The following MCTP2 variants were observed in gnomAD, a reference collection of about 807,000 sequenced individuals.
MCTP2 encodes multiple C2 and transmembrane domain-containing protein 2.
Under a neutral mutation model 111.6 loss-of-function variants are expected in MCTP2, and 132 were observed. The observed-to-expected ratio is 1.18, with a 90% CI of 1.03 to 1.37. The LOEUF (loss-of-function observed/expected upper bound fraction) is 1.37. Among genes scored for constraint, MCTP2 ranks in the 40% most tolerant of loss-of-function variants. The pLI is 0.00. For missense variants in MCTP2, 1,183 were observed against 1,067.9 expected (o/e 1.11, Z -1.50); for synonymous variants, 395 against 387.7 (o/e 1.02, Z -0.22).
intron 2 of MCTP2, among the ~76,000 whole-genome samples, chr15:94,301,503 G>A (rs1422012577): frequency 6.6e-6 from 1 of 152,232 alleles, no homozygotes; most frequent in South Asian, 2.1e-4. Flanking sequence ...AGGCTGTGTT[G>A]ATTTGGAGGA....
At chr15:94,241,786 T>TA (rs776625311) in intron 1 of MCTP2, among the ~76,000 whole-genome samples, 3,920 of 147,548 alleles carry the variant, frequency 0.027, 138 homozygotes, top group African/African-American at 0.09. Flanking sequence ...ATACCCACTT[T>TA]AAAAAAAAAA....
intron 1 of MCTP2, among the ~76,000 whole-genome samples, chr15:94,258,397 A>G (rs8030718): frequency 0.49 from 74,068 of 151,948 alleles, 18,209 homozygotes; most frequent in Middle Eastern, 0.6. Context: ...CCTCTGCCCC[A>G]TCACCTGGGT....
chr15:94,298,749 T>C lies in MCTP2; in HGVS notation c.465+19T>C. 2.0e-6 allele frequency: 3 copies of C among 1,503,306 alleles called. No individual in the cohort carries two copies. The highest frequency in any genetic ancestry group is 2.7e-6 in the Non-Finnish European group (3 of 1,124,632). The allele number at this position is 1,503,306 out of a possible 1,614,324, so 93.1% of individuals were successfully genotyped here. On this transcript the variant is annotated intron_variant, in intron 2 of 22. Transcript: ENST00000357742. ...GCCAGAGGTGAGAATAGGGCTGGGC[T>C]CTCTTTTTTTTTGTCTCTCTCTCTC...
Position 94,356,317 on chromosome 15 carries a change from T to C in MCTP2, c.1170+16T>C. The C allele has an allele frequency of 6.4e-7, 1 of 1,557,556 alleles. No homozygotes were observed. Reference sequence around the variant, plus strand: ...TAAAAGTAAGGTAAGTTCCATCTTTTCCATAAGGAGAACAGTATCTTTAAA... The same window carrying C: ...TAAAAGTAAGGTAAGTTCCATCTTTCCCATAAGGAGAACAGTATCTTTAAA... On this transcript the variant is annotated intron_variant, in intron 9 of 22. Coordinates refer to ENST00000357742, the MANE Select transcript of MCTP2 (RefSeq NM_001385001.1).
chr15:94,262,759 C>G (rs1475916860), intron 1 of MCTP2, among the ~76,000 whole-genome samples: 1 of 151,980 alleles, frequency 6.6e-6, no homozygotes, highest in Non-Finnish European at 1.5e-5. Flanking sequence ...CAACCTCAGC[C>G]TCCTGGGTTC....
At chr15:94,304,787 A>G (rs1437822140) in intron 2 of MCTP2, among the ~76,000 whole-genome samples, 3 of 152,162 alleles carry the variant, frequency 2.0e-5, no homozygotes, top group African/African-American at 7.2e-5. Flanking sequence ...TTTGTCTACT[A>G]GGGCCACCTT....
At chr15:94,280,941 G>A (rs2074449228) in intron 1 of MCTP2, among the ~76,000 whole-genome samples, 1 of 151,682 alleles carries the variant, frequency 6.6e-6, no homozygotes, top group Non-Finnish European at 1.5e-5. Context: ...TATTGAGAGT[G>A]TGGTTAGTAT....
intron 1 of MCTP2, among the ~76,000 whole-genome samples, chr15:94,258,030 T>C (rs983320881): frequency 7.3e-6 from 1 of 137,392 alleles, no homozygotes; most frequent in East Asian, 2.0e-4. Flanking sequence ...CCTGCCACCA[T>C]GTCATTTTTT....
chr15:94,323,766 C>T (rs1360420649), intron 4 of MCTP2, among the ~76,000 whole-genome samples: 3 of 152,138 alleles, frequency 2.0e-5, no homozygotes, highest in African/African-American at 2.4e-5. Context: ...GAAGAATGGC[C>T]GCCATCTTCC....
In MCTP2 at chr15:94,370,081, C is replaced by T; in HGVS notation, c.1489-6C>T. 1.2e-6 allele frequency: 2 copies of T among 1,604,850 alleles called. No individual in the cohort carries two copies. ...TTTTCACTTGTATCACCTTTTCAACCCTCAGTGCTTACAGAACTCCCTGAA... is the reference window on the plus strand; with the variant it reads ...TTTTCACTTGTATCACCTTTTCAACTCTCAGTGCTTACAGAACTCCCTGAA... On this transcript the variant is annotated splice_polypyrimidine_tract_variant and splice_region_variant and intron_variant, in intron 11 of 22. Coordinates refer to ENST00000357742, the MANE Select transcript of MCTP2 (RefSeq NM_001385001.1).
At chr15:94,341,024 TG>T (rs746155879) in intron 7 of MCTP2, 100 bp downstream of exon 7, 1 of 761,420 alleles carries the variant, frequency 1.3e-6, no homozygotes, top group South Asian at 1.5e-5. Flanking sequence ...CTGATGTTTT[TG>T]CAATTATTTT....
At chr15:94,401,799 G>T in intron 16 of MCTP2, 101 bp from the exon 17 acceptor site, 1 of 795,608 alleles carries the variant, frequency 1.3e-6, no homozygotes, top group Non-Finnish European at 1.9e-6. Flanking sequence ...TTAAAATTGG[G>T]ATCTATACAA....
chr15:94,469,617 C>G (rs2152539362), intron 20 of MCTP2, among the ~76,000 whole-genome samples: 1 of 152,258 alleles, frequency 6.6e-6, no homozygotes, highest in East Asian at 1.9e-4. Flanking sequence ...CCTATAATCC[C>G]AGCACTTTGG....
At position 94,476,778 on chromosome 15, in the gene MCTP2, G is replaced by A. The variant is rs376652720; in HGVS notation, c.2553G>A (p.Pro851=). 7.0e-5 allele frequency: 112 copies of A among 1,596,808 alleles called. No individual in the cohort carries two copies. The South Asian group carries it at 8.2e-4, about 12-fold the overall frequency. The change falls in exon 22 of 23, where the codon CCG becomes CCA. Residue 851 remains proline, a synonymous_variant. Coordinates refer to ENST00000357742, the MANE Select transcript of MCTP2 (RefSeq NM_001385001.1). ...TACTAGACTTCCTCTCTAGGGTACC[G>A]TCTGATGTTCAAAAGGTATGTAATG... is the stretch of plus-strand genomic sequence containing the variant. The part of the protein sequence containing the change: ...NELLDFLSRV[P]SDVQKVQYAE...
chr15:94,370,015 C>T (rs2079401496), intron 11 of MCTP2, 72 bp from the exon 12 acceptor site: 2 of 966,038 alleles, frequency 2.1e-6, no homozygotes, highest in Non-Finnish European at 3.1e-6. Flanking sequence ...GATGCACTTC[C>T]TATAGGACTT....
Position 94,352,853 on chromosome 15 carries a change from G to C in MCTP2, c.1006-3284G>C, listed in dbSNP as rs1231422779. 2.0e-5 allele frequency among the ~76,000 whole-genome samples: 3 copies of C among 152,190 alleles called. No individual in the cohort carries two copies. In the East Asian group the frequency reaches 5.8e-4, roughly 29 times the overall value. On this transcript the variant is annotated intron_variant, in intron 8 of 22. Transcript: ENST00000357742. Reference sequence around the variant, plus strand: ...CAATAGATGGCCCAGGCCCTACCCTGAACCCCAGACTCCCTGGTCTGAGGC... The same window carrying C: ...CAATAGATGGCCCAGGCCCTACCCTCAACCCCAGACTCCCTGGTCTGAGGC...
chr15:94,299,394 T>C (rs2075487751), intron 2 of MCTP2, among the ~76,000 whole-genome samples: 2 of 152,168 alleles, frequency 1.3e-5, no homozygotes, highest in South Asian at 4.1e-4. Context: ...TTATTACTCC[T>C]AAGAAGCATA....
intron 20 of MCTP2, among the ~76,000 whole-genome samples, chr15:94,468,212 A>G (rs1596831626): frequency 6.6e-6 from 1 of 152,218 alleles, no homozygotes; most frequent in Non-Finnish European, 1.5e-5. Context: ...ACTAGCAAAT[A>G]GTAACTATTT....
At chr15:94,327,006 C>A (rs1196090152) in intron 4 of MCTP2, among the ~76,000 whole-genome samples, 3 of 29,206 alleles carry the variant, frequency 1.0e-4, no homozygotes, top group Non-Finnish European at 2.1e-4. Context: ...TAGTCTGTTC[C>A]ATGCATCACT....
Sources: allele counts gnomAD v4.1 joint callset (sites outside exome capture counted in the v4.1 genomes callset), GRCh38; gene constraint gnomAD v4.1.1; transcripts MANE v1.5; gene names NCBI Gene and HGNC (gene_info 2026-07-23, HGNC 2026-07-21).